The following PDE3A variants were observed in gnomAD, a reference collection of about 807,000 sequenced individuals.
The protein encoded by PDE3A is phosphodiesterase 3A.
In PDE3A, 43 loss-of-function variants were observed where a neutral mutation model predicts 98.3. That is an observed-to-expected ratio of 0.44 (90% confidence interval 0.34 to 0.56). The LOEUF (loss-of-function observed/expected upper bound fraction) is 0.56, where lower values mean the gene tolerates loss of function less well. Ranked by LOEUF, PDE3A falls within the 20% of genes least tolerant of loss-of-function variation. The pLI, the probability that PDE3A is intolerant of heterozygous loss-of-function variation, is 0.01. For synonymous variants in PDE3A, 663 were observed against 567.9 expected (o/e 1.17, Z -2.38); for missense variants, 1,427 against 1,440.7 (o/e 0.99, Z 0.15).
intron 1 of PDE3A, among the ~76,000 whole-genome samples, chr12:20,534,746 C>T (rs1941709524): frequency 6.6e-6 from 1 of 152,144 alleles, no homozygotes; most frequent in African/African-American, 2.4e-5. Flanking sequence ...CCTTTATCTC[C>T]TTTTGATGGA....
At chr12:20,626,297 A>G (rs1944262851) in intron 5 of PDE3A, among the ~76,000 whole-genome samples, 1 of 151,836 alleles carries the variant, frequency 6.6e-6, no homozygotes, top group Non-Finnish European at 1.5e-5. Context: ...TCTTCAAAAT[A>G]TGCATGCACA....
chr12:20,412,190 A>G (rs1944346297), intron 1 of PDE3A, among the ~76,000 whole-genome samples: 1 of 152,194 alleles, frequency 6.6e-6, no homozygotes, highest in African/African-American at 2.4e-5. Flanking sequence ...TTGAAAATTT[A>G]TACATTAGCA....
intron 15 of PDE3A, among the ~76,000 whole-genome samples, chr12:20,665,560 T>C (rs1945287535): frequency 6.6e-6 from 1 of 152,180 alleles, no homozygotes; most frequent in Non-Finnish European, 1.5e-5. Context: ...AGAGAAACTA[T>C]TTGGAATATA....
intron 1 of PDE3A, 133 bp from the exon 2 acceptor site, chr12:20,556,527 A>C (rs1287924331): frequency 1.5e-6 from 1 of 648,962 alleles, no homozygotes; most frequent in African/African-American, 1.9e-5. Context: ...TAGGTATGTT[A>C]ATTTATTCAT....
chr12:20,559,256 T>C (rs1309471895), intron 2 of PDE3A, among the ~76,000 whole-genome samples: 3 of 152,054 alleles, frequency 2.0e-5, no homozygotes, highest in Non-Finnish European at 1.5e-5. Flanking sequence ...CTAGTAACAA[T>C]AGGCTACAGC....
intron 1 of PDE3A, among the ~76,000 whole-genome samples, chr12:20,504,645 G>T (rs1464066540): frequency 1.3e-5 from 2 of 151,974 alleles, no homozygotes; most frequent in African/African-American, 4.8e-5. Context: ...GCCTTTTCCA[G>T]CTTCTAGAGG....
At chr12:20,384,976 G>T (rs1376183332) in intron 1 of PDE3A, among the ~76,000 whole-genome samples, 1 of 152,066 alleles carries the variant, frequency 6.6e-6, no homozygotes, top group African/African-American at 2.4e-5. Flanking sequence ...ATTGTGAATA[G>T]TACTGCTGTG....
In PDE3A at chr12:20,682,950, A is replaced by G. The variant is rs1945835207; in HGVS notation, c.*2679A>G. The G allele has an allele frequency of 1.3e-5, 2 of 152,180 alleles. No individual in the cohort carries two copies. Among genetic ancestry groups the G allele is most frequent in the African/African-American group, 2.4e-5 (1 of 41,448 alleles). 9.4% of individuals were successfully genotyped at this position (152,180 alleles called of 1,614,324 possible). A position where few individuals can be genotyped will look rare whatever the true frequency, so the allele number is the denominator to read the frequency against. ...CAACTAGTGGGGCAGCTTGGCTACT[A>G]TGGTGGAAGTCTCAGCAAACTGCCT... On this transcript the variant is annotated 3_prime_UTR_variant, in exon 16 of 16. Coordinates refer to ENST00000359062, the MANE Select transcript of PDE3A (RefSeq NM_000921.5).
intron 1 of PDE3A, among the ~76,000 whole-genome samples, chr12:20,386,993 C>T (rs963989443): frequency 6.6e-6 from 1 of 152,046 alleles, no homozygotes; most frequent in African/African-American, 2.4e-5. Flanking sequence ...CTGGGTATGG[C>T]TAGCCAGTTC....
chr12:20,397,166 T>G (rs1298992509), intron 1 of PDE3A, among the ~76,000 whole-genome samples: 1 of 152,172 alleles, frequency 6.6e-6, no homozygotes, highest in African/African-American at 2.4e-5. Flanking sequence ...CATTTAATTC[T>G]CATTAGTACT....
At chr12:20,401,016 G>T (rs1370429277) in intron 1 of PDE3A, among the ~76,000 whole-genome samples, 2 of 152,106 alleles carry the variant, frequency 1.3e-5, no homozygotes, top group African/African-American at 4.8e-5. Context: ...TTTGGGTCCG[G>T]GTCTGTCTTG....
chr12:20,420,383 A>G (rs1294163241), intron 1 of PDE3A, among the ~76,000 whole-genome samples: 4 of 152,124 alleles, frequency 2.6e-5, no homozygotes, highest in Non-Finnish European at 5.9e-5. Context: ...TCCGAGTTTT[A>G]TGTTATTTTT....
intron 1 of PDE3A, among the ~76,000 whole-genome samples, chr12:20,435,901 G>C (rs1565548385): frequency 6.6e-6 from 1 of 151,894 alleles, no homozygotes; most frequent in African/African-American, 2.4e-5. Context: ...TCCCACCCCT[G>C]CTTTTTTGTT....
intron 1 of PDE3A, among the ~76,000 whole-genome samples, chr12:20,443,498 G>A (rs1343685281): frequency 1.3e-5 from 2 of 152,006 alleles, no homozygotes; most frequent in Non-Finnish European, 2.9e-5. Flanking sequence ...CATGAAATTA[G>A]GAAATCGAAA....
chr12:20,439,252 C>T (rs1944828765), intron 1 of PDE3A, among the ~76,000 whole-genome samples: 1 of 152,134 alleles, frequency 6.6e-6, no homozygotes, highest in Non-Finnish European at 1.5e-5. Flanking sequence ...CAGAAAGGTT[C>T]ACTTTTTGAA....
At chr12:20,505,777 T>G (rs74064916) in intron 1 of PDE3A, among the ~76,000 whole-genome samples, 3,294 of 152,140 alleles carry the variant, frequency 0.022, 108 homozygotes, top group African/African-American at 0.075. Flanking sequence ...AATGAGGAAG[T>G]CTTCAGGACA....
At position 20,551,559 on chromosome 12, in the gene PDE3A, G is replaced by T. The variant is rs1027602730; in HGVS notation, c.961-5101G>T. On this transcript the variant is annotated intron_variant, in intron 1 of 15. Transcript: ENST00000359062. ...ACTCTGGCATGCTAACTAGTTACGC[G>T]ACCCCCGAGCGGGTCTGCGCCTGCC... 4.8e-6 allele frequency: 7 copies of T among 1,467,732 alleles called. No homozygotes were observed. In the African/African-American group the frequency reaches 9.9e-5, roughly 21 times the overall value. 90.9% of individuals were successfully genotyped at this position (1,467,732 alleles called of 1,614,324 possible).
intron 1 of PDE3A, among the ~76,000 whole-genome samples, chr12:20,408,446 T>A (rs1257953185): frequency 6.6e-6 from 1 of 152,178 alleles, no homozygotes; most frequent in Non-Finnish European, 1.5e-5. Context: ...CATGGCTGTT[T>A]GGCTCTGTTA....
In PDE3A at chr12:20,671,692, A is replaced by C. The variant is rs9706478; in HGVS notation, c.3185-8338A>C. Among the ~76,000 whole-genome samples the C allele has an allele frequency of 5.9e-3, 868 of 147,608 alleles. 17 individuals are homozygous for C. The highest frequency in any genetic ancestry group is 0.043 in the East Asian group (212 of 4,938). On this transcript the variant is annotated intron_variant, in intron 15 of 15. Transcript: ENST00000359062. ...TCTCAATAAATTAGGTATTGATGGG[A>C]CATATTTCAAAATAATAAGAGCTAT...
Sources: gnomAD v4.1 joint callset for allele counts (sites outside exome capture counted in the v4.1 genomes callset) on GRCh38, gnomAD v4.1.1 for gene constraint, MANE v1.5 for transcripts, NCBI Gene and HGNC (gene_info 2026-07-23, HGNC 2026-07-21) for gene names.